ZNF521: variants seen among roughly 807,000 people sequenced by gnomAD.
The protein encoded by ZNF521 is zinc finger protein 521, also known as LYST-interacting protein 3.
Under a neutral mutation model 105.5 loss-of-function variants are expected in ZNF521, and 14 were observed. That is an observed-to-expected ratio of 0.13 (90% confidence interval 0.09 to 0.21). The LOEUF (loss-of-function observed/expected upper bound fraction) is 0.21. Among genes scored for constraint, ZNF521 ranks in the 10% least tolerant of loss-of-function variants. The probability of loss-of-function intolerance (pLI) is 1.00; values close to 1 mark genes in which losing one functional copy is unlikely to be tolerated. For synonymous variants in ZNF521, 635 were observed against 606.0 expected, an observed-to-expected ratio of 1.05 and a Z score of -0.70; for missense variants, 1,233 against 1,629.7, an observed-to-expected ratio of 0.76 and a Z score of 4.19.
chr18:25,296,180 C>T (rs1282035134), intron 3 of ZNF521, among the ~76,000 whole-genome samples: 1 of 152,094 alleles, frequency 6.6e-6, no homozygotes, highest in Non-Finnish European at 1.5e-5. Flanking sequence ...CCTTTTATTC[C>T]TATAAATTTA....
At chr18:25,196,366 T>C (rs751427796) in intron 4 of ZNF521, among the ~76,000 whole-genome samples, 3 of 151,688 alleles carry the variant, frequency 2.0e-5, no homozygotes, top group Non-Finnish European at 4.4e-5. Flanking sequence ...AATACCAGCC[T>C]GTAAGTTACA....
At chr18:25,100,138 G>A (rs2033939222) in intron 5 of ZNF521, among the ~76,000 whole-genome samples, 1 of 147,150 alleles carries the variant, frequency 6.8e-6, no homozygotes, top group African/African-American at 2.5e-5. Flanking sequence ...AAAGCCACTA[G>A]TTATCTGAAG....
At chr18:25,273,428 A>G (rs1241950626) in intron 3 of ZNF521, 1 of 152,114 alleles carries the variant, frequency 6.6e-6, no homozygotes, top group Non-Finnish European at 1.5e-5. Flanking sequence ...CAGTAGCAGC[A>G]GCAGGAAAAC....
At chr18:25,320,039 A>G (rs1912853512) in intron 3 of ZNF521, among the ~76,000 whole-genome samples, 1 of 152,238 alleles carries the variant, frequency 6.6e-6, no homozygotes. Context: ...AAAAGAGATG[A>G]CAGTTAAATG....
chr18:25,262,619 G>C (rs534051858), intron 3 of ZNF521, among the ~76,000 whole-genome samples: 1 of 152,134 alleles, frequency 6.6e-6, no homozygotes. Flanking sequence ...GGTAAGAAAA[G>C]CAATAAACAA....
intron 3 of ZNF521, among the ~76,000 whole-genome samples, chr18:25,293,348 A>G (rs1295532020): frequency 7.9e-6 from 1 of 125,992 alleles, no homozygotes; most frequent in African/African-American, 2.9e-5. Flanking sequence ...GCACATGTAC[A>G]CATACACACA....
intron 3 of ZNF521, among the ~76,000 whole-genome samples, chr18:25,262,811 ACAG>A (rs1908999498): frequency 6.6e-6 from 1 of 152,186 alleles, no homozygotes; most frequent in African/African-American, 2.4e-5. Flanking sequence ...TATCCCAGGG[ACAG>A]TCTGGGATGG....
chr18:25,269,122 A>G (rs1909471559), intron 3 of ZNF521, among the ~76,000 whole-genome samples: 3 of 151,778 alleles, frequency 2.0e-5, no homozygotes, highest in African/African-American at 7.3e-5. Context: ...AAAAAAAAAA[A>G]AGCAGGGGTT....
chr18:25,066,835 G>A (rs1029223175), intron 7 of ZNF521, among the ~76,000 whole-genome samples: 1 of 152,160 alleles, frequency 6.6e-6, no homozygotes, highest in South Asian at 2.1e-4. Context: ...CAGCTCTTTA[G>A]GTCCAGAGGA....
intron 3 of ZNF521, among the ~76,000 whole-genome samples, chr18:25,316,720 C>T (rs924845969): frequency 5.9e-5 from 9 of 152,084 alleles, no homozygotes; most frequent in African/African-American, 2.2e-4. Flanking sequence ...CCTTGGCCTC[C>T]ACTTACACTT....
intron 3 of ZNF521, among the ~76,000 whole-genome samples, chr18:25,299,784 C>A (rs1004687109): frequency 1.3e-5 from 2 of 152,170 alleles, no homozygotes; most frequent in Non-Finnish European, 2.9e-5. Flanking sequence ...CTTCCTATTT[C>A]TCACTTAAAA....
intron 4 of ZNF521, among the ~76,000 whole-genome samples, chr18:25,205,666 T>C (rs963712759): frequency 6.6e-6 from 1 of 152,158 alleles, no homozygotes; most frequent in African/African-American, 2.4e-5. Flanking sequence ...AGAAGAGTGG[T>C]AGTATAACTT....
intron 1 of ZNF521, chr18:25,351,274 A>G (rs1345204761): frequency 1.4e-5 from 2 of 142,864 alleles, no homozygotes; most frequent in Admixed American, 1.4e-4. Context: ...AAAAAAAGCT[A>G]AAAAAAAAAC....
intron 4 of ZNF521, among the ~76,000 whole-genome samples, chr18:25,200,466 A>G (rs1248846410): frequency 2.0e-5 from 3 of 152,088 alleles, no homozygotes; most frequent in African/African-American, 4.8e-5. Context: ...TACAAAAATA[A>G]TAATTTCAAT....
rs567696699 is a variant in ZNF521, at chr18:25,066,907, C to T, written c.3907-4166G>A. On this transcript the variant is annotated intron_variant, in intron 7 of 7. Transcript: ENST00000361524. The stretch of plus-strand genomic sequence containing the variant: ...CCAATTTTACACAGCAATTCACAGT[C>T]CCTAAAGTACTTTAATGCAATGACA... Among the ~76,000 whole-genome samples, 6 of 152,258 alleles carry T rather than the reference C, an allele frequency of 3.9e-5. No homozygotes were observed. The South Asian group carries it at 1.2e-3, about 32-fold the overall frequency.
chr18:25,303,937 T>C (rs1201089520), intron 3 of ZNF521, among the ~76,000 whole-genome samples: 1 of 152,236 alleles, frequency 6.6e-6, no homozygotes. Context: ...AATCTTCTCA[T>C]TTTATAATGA....
At chr18:25,216,780 C>T (rs982779257) in intron 4 of ZNF521, among the ~76,000 whole-genome samples, 21 of 152,268 alleles carry the variant, frequency 1.4e-4, no homozygotes, top group Admixed American at 5.9e-4. Context: ...TGGTCTCAAA[C>T]TCCTGGCCTC....
At chr18:25,113,700 T>G (rs2034241884) in intron 5 of ZNF521, among the ~76,000 whole-genome samples, 1 of 143,496 alleles carries the variant, frequency 7.0e-6, no homozygotes, top group African/African-American at 2.6e-5. Context: ...GAAGTGGGAG[T>G]GTGCTAGAGA....
intron 4 of ZNF521, among the ~76,000 whole-genome samples, chr18:25,203,987 A>G (rs2036036370): frequency 6.6e-6 from 1 of 151,988 alleles, no homozygotes. Context: ...CGGTCACTTA[A>G]AAGTGTGTGG....
Sources: allele counts gnomAD v4.1 joint callset (sites outside exome capture counted in the v4.1 genomes callset), GRCh38; gene constraint gnomAD v4.1.1; transcripts MANE v1.5; gene names NCBI Gene and HGNC (gene_info 2026-07-23, HGNC 2026-07-21).